The following MTHFD2L variants were observed in gnomAD, a reference collection of about 807,000 sequenced individuals.
The protein encoded by MTHFD2L is methylenetetrahydrofolate dehydrogenase (NADP+ dependent) 2 like.
MTHFD2L carries 29 observed loss-of-function variants against 34.9 expected under a neutral mutation model. The observed-to-expected ratio is 0.83, with a 90% CI of 0.62 to 1.13. The LOEUF (loss-of-function observed/expected upper bound fraction) is 1.13. Among genes scored for constraint, MTHFD2L ranks in the 50% most tolerant of loss-of-function variants. The pLI is 0.00. For synonymous variants in MTHFD2L, 167 were observed against 155.7 expected, an observed-to-expected ratio of 1.07 and a Z score of -0.54; for missense variants, 481 against 446.5, an observed-to-expected ratio of 1.08 and a Z score of -0.70.
At chr4:74,211,410 T>C (rs1736299162) in intron 5 of MTHFD2L, among the ~76,000 whole-genome samples, 1 of 152,210 alleles carries the variant, frequency 6.6e-6, no homozygotes, top group South Asian at 2.1e-4. Context: ...TTGAATTTTA[T>C]TGAAGGCCTT....
rs1733156062 is a variant in MTHFD2L, at chr4:74,194,645, G to A, written c.452-5149G>A. 3 of 152,158 alleles carry A rather than the reference G, an allele frequency of 2.0e-5. 1 individual carries two copies. Among genetic ancestry groups the A allele is most frequent in the Admixed American group, 2.0e-4 (3 of 15,264 alleles). The allele number at this position is 152,158 out of a possible 1,614,324, so 9.4% of individuals were successfully genotyped here. A position where few individuals can be genotyped will look rare whatever the true frequency, so the allele number is the denominator to read the frequency against. ...TAAAGCTGCCTCCTTACATATTTAA[G>A]ATTAGCCTAAAGGTTTTTCTGTATA... On this transcript the variant is annotated intron_variant, in intron 3 of 7. Coordinates refer to ENST00000325278, the MANE Select transcript of MTHFD2L (RefSeq NM_001144978.3).
chr4:74,118,279 C>T (rs1331538872), intron 2 of MTHFD2L, among the ~76,000 whole-genome samples: 2 of 152,180 alleles, frequency 1.3e-5, no homozygotes, highest in Non-Finnish European at 2.9e-5. Context: ...CTTTTGTCCT[C>T]TCCTGATTCA....
chr4:74,151,198 TAA>T (rs756991297), intron 1 of MTHFD2L, among the ~76,000 whole-genome samples: 15 of 152,250 alleles, frequency 9.9e-5, no homozygotes, highest in Non-Finnish European at 1.8e-4. Flanking sequence ...AAACTATCAA[TAA>T]GTTATTAAAA....
At chr4:74,199,466 A>G (rs1396855425) in intron 3 of MTHFD2L, among the ~76,000 whole-genome samples, 1 of 152,292 alleles carries the variant, frequency 6.6e-6, no homozygotes, top group Admixed American at 6.5e-5. Context: ...CTGTAAATAT[A>G]CAAACTTACT....
At chr4:74,191,092 G>A (rs1053452481) in intron 3 of MTHFD2L, among the ~76,000 whole-genome samples, 1 of 151,976 alleles carries the variant, frequency 6.6e-6, no homozygotes, top group African/African-American at 2.4e-5. Context: ...CTAGAGATGG[G>A]GTTTCACCAT....
chr4:74,131,874 A>C (rs188104719), intron 1 of MTHFD2L, among the ~76,000 whole-genome samples: 109 of 152,336 alleles, frequency 7.2e-4, no homozygotes, highest in Non-Finnish European at 2.9e-4. Flanking sequence ...AAAGAACTTA[A>C]ACAAATTTAC....
intron 6 of MTHFD2L, among the ~76,000 whole-genome samples, chr4:74,245,526 T>G (rs922336219): frequency 1.2e-4 from 18 of 152,154 alleles, no homozygotes; most frequent in Non-Finnish European, 1.9e-4. Flanking sequence ...ATTCACAATG[T>G]GCAGGTTAGT....
chr4:74,173,883 A>G (rs1479213732), intron 1 of MTHFD2L, among the ~76,000 whole-genome samples: 1 of 152,204 alleles, frequency 6.6e-6, no homozygotes, highest in African/African-American at 2.4e-5. Flanking sequence ...TGTTTTATAT[A>G]TGTATGTGAA....
intron 6 of MTHFD2L, among the ~76,000 whole-genome samples, chr4:74,252,831 G>A (rs185062059): frequency 3.6e-4 from 55 of 151,928 alleles, no homozygotes; most frequent in African/African-American, 1.1e-3. Context: ...ACATTTTAAG[G>A]GAAATCACTG....
chr4:74,155,815 AT>A (rs1724203885), upstream of MTHFD2L, among the ~76,000 whole-genome samples: 1 of 151,790 alleles, frequency 6.6e-6, no homozygotes, highest in African/African-American at 2.4e-5. Context: ...ACCACAAATA[AT>A]TTTCAGGATG....
intron 1 of MTHFD2L, among the ~76,000 whole-genome samples, chr4:74,165,510 A>G (rs1025152606): frequency 2.0e-5 from 3 of 152,066 alleles, no homozygotes; most frequent in African/African-American, 7.2e-5. Flanking sequence ...GGTGCATGCC[A>G]CCACGCCCAG....
chr4:74,284,018 C>T (rs1415880703), intron 7 of MTHFD2L, among the ~76,000 whole-genome samples: 1 of 152,076 alleles, frequency 6.6e-6, no homozygotes, highest in African/African-American at 2.4e-5. Context: ...TTGTGAGTAT[C>T]GGTGAAAAGT....
intron 1 of MTHFD2L, among the ~76,000 whole-genome samples, chr4:74,147,779 C>A (rs989701970): frequency 6.6e-6 from 1 of 152,096 alleles, no homozygotes; most frequent in African/African-American, 2.4e-5. Context: ...TAATAATTAG[C>A]GATGTTGAGC....
chr4:74,218,623 C>G (rs1411190098), intron 5 of MTHFD2L, among the ~76,000 whole-genome samples: 2 of 151,064 alleles, frequency 1.3e-5, no homozygotes, highest in African/African-American at 4.9e-5. Flanking sequence ...AGCCCCCCCC[C>G]CACCACCAAA....
chr4:74,249,813 C>T (rs1174944473), intron 6 of MTHFD2L, among the ~76,000 whole-genome samples: 1 of 152,208 alleles, frequency 6.6e-6, no homozygotes, highest in Non-Finnish European at 1.5e-5. Flanking sequence ...TTGGCCCCCA[C>T]TCTCTTCTGG....
intron 5 of MTHFD2L, among the ~76,000 whole-genome samples, chr4:74,224,888 C>A (rs1018036825): frequency 1.3e-5 from 2 of 152,022 alleles, no homozygotes; most frequent in Non-Finnish European, 2.9e-5. Flanking sequence ...CAGAATTAAT[C>A]TCTCAGTTAT....
intron 6 of MTHFD2L, among the ~76,000 whole-genome samples, chr4:74,231,186 A>G (rs891384500): frequency 5.9e-5 from 9 of 152,180 alleles, no homozygotes; most frequent in Admixed American, 5.9e-4. Flanking sequence ...TACTTGTCAT[A>G]AAGTACAAAG....
chr4:74,119,231 G>A (rs1396073536), upstream of MTHFD2L, among the ~76,000 whole-genome samples: 2 of 152,170 alleles, frequency 1.3e-5, no homozygotes, highest in Non-Finnish European at 2.9e-5. Context: ...GCTGCATCTG[G>A]TGGCAGGCTT....
intron 3 of MTHFD2L, among the ~76,000 whole-genome samples, chr4:74,184,682 A>G (rs1396619552): frequency 1.3e-5 from 2 of 152,194 alleles, no homozygotes; most frequent in Admixed American, 6.5e-5. Flanking sequence ...ATTAAAATTT[A>G]TAGAATACTC....
Sources: gnomAD v4.1 joint callset for allele counts (sites outside exome capture counted in the v4.1 genomes callset) on GRCh38, gnomAD v4.1.1 for gene constraint, MANE v1.5 for transcripts, NCBI Gene and HGNC (gene_info 2026-07-23, HGNC 2026-07-21) for gene names.